LDLRAD4: variants seen among roughly 807,000 people sequenced by gnomAD.
LDLRAD4 encodes low-density lipoprotein receptor class A domain-containing protein 4.
Under a neutral mutation model 17.0 loss-of-function variants are expected in LDLRAD4, and 5 were observed. That is an observed-to-expected ratio of 0.29 (90% CI 0.15 to 0.62). LDLRAD4 has a LOEUF of 0.62. LDLRAD4 is among the 20% of genes least tolerant of loss of function. The pLI, the probability that LDLRAD4 is intolerant of heterozygous loss-of-function variation, is 0.84. For synonymous variants in LDLRAD4, 168 were observed against 171.8 expected (o/e 0.98, Z 0.17); for missense variants, 340 against 424.7 (o/e 0.80, Z 1.75).
chr18:13,393,568 T>C (rs553032139), intron 2 of LDLRAD4, among the ~76,000 whole-genome samples: 28 of 152,312 alleles, frequency 1.8e-4, no homozygotes, highest in African/African-American at 6.7e-4. Context: ...TGAGCAAATA[T>C]TGACGGAGCT....
intron 3 of LDLRAD4, among the ~76,000 whole-genome samples, chr18:13,555,975 C>A (rs368312948): frequency 6.6e-6 from 1 of 152,102 alleles, no homozygotes. Context: ...CTGTGGTAAG[C>A]ATTAGATTTA....
intron 1 of LDLRAD4, among the ~76,000 whole-genome samples, chr18:13,254,906 G>T (rs746593723): frequency 1.3e-5 from 2 of 152,222 alleles, no homozygotes; most frequent in Non-Finnish European, 2.9e-5. Context: ...AGAGGTGGCA[G>T]TGAGCTGAGA....
intron 1 of LDLRAD4, among the ~76,000 whole-genome samples, chr18:13,302,444 TG>T (rs565476401): frequency 9.7e-4 from 148 of 152,330 alleles, no homozygotes; most frequent in Non-Finnish European, 4.7e-4. Context: ...CAAGAAGCAC[TG>T]GCACTACCTG....
At chr18:13,445,245 GTC>G (rs1394248263) in intron 3 of LDLRAD4, among the ~76,000 whole-genome samples, 4 of 152,304 alleles carry the variant, frequency 2.6e-5, no homozygotes, top group African/African-American at 9.6e-5. Context: ...GCAGGTGTGA[GTC>G]TGTGTGTGTA....
intron 1 of LDLRAD4, among the ~76,000 whole-genome samples, chr18:13,261,204 G>C (rs779060632): frequency 1.3e-5 from 2 of 152,234 alleles, no homozygotes; most frequent in Non-Finnish European, 2.9e-5. Context: ...TGGCTCCAGG[G>C]AATAGCAGAA....
chr18:13,463,456 C>G (rs1013032189), intron 3 of LDLRAD4, among the ~76,000 whole-genome samples: 3 of 152,214 alleles, frequency 2.0e-5, no homozygotes, highest in Non-Finnish European at 4.4e-5. Context: ...TAAGTTAACA[C>G]TATAGCTCCA....
chr18:13,629,711 A>T (rs1220194194), intron 4 of LDLRAD4, among the ~76,000 whole-genome samples: 1 of 152,216 alleles, frequency 6.6e-6, no homozygotes, highest in Non-Finnish European at 1.5e-5. Context: ...TAGCATTAAT[A>T]ATCTAATAGT....
intron 4 of LDLRAD4, among the ~76,000 whole-genome samples, chr18:13,643,134 C>G (rs879552606): frequency 1.3e-4 from 19 of 151,996 alleles, no homozygotes; most frequent in Non-Finnish European, 2.2e-4. Flanking sequence ...CGGGGTTTCA[C>G]CATGTTGGCC....
At chr18:13,221,218 T>C (rs71353250) in intron 1 of LDLRAD4, among the ~76,000 whole-genome samples, 4,362 of 152,332 alleles carry the variant, frequency 0.029, 98 homozygotes, top group Non-Finnish European at 0.038. Flanking sequence ...GTTAACAGAA[T>C]GTATAGCGGC....
At chr18:13,358,410 C>T (rs562811044) in intron 1 of LDLRAD4, among the ~76,000 whole-genome samples, 3 of 151,840 alleles carry the variant, frequency 2.0e-5, no homozygotes, top group Non-Finnish European at 4.4e-5. Context: ...TTGATATATC[C>T]AGTTCAAACA....
intron 3 of LDLRAD4, among the ~76,000 whole-genome samples, chr18:13,499,025 TTG>T (rs2093553641): frequency 6.8e-6 from 1 of 147,046 alleles, no homozygotes; most frequent in Admixed American, 6.7e-5. Context: ...AGAATCCTTC[TTG>T]CCACACACGT....
intron 2 of LDLRAD4, among the ~76,000 whole-genome samples, chr18:13,427,780 C>A (rs1240232861): frequency 6.6e-6 from 1 of 152,224 alleles, no homozygotes; most frequent in Non-Finnish European, 1.5e-5. Context: ...TTAACTAATT[C>A]TGCCTTTAAA....
At chr18:13,229,112 C>T (rs910854876) in intron 1 of LDLRAD4, among the ~76,000 whole-genome samples, 36 of 152,232 alleles carry the variant, frequency 2.4e-4, no homozygotes, top group African/African-American at 7.5e-4. Flanking sequence ...TTGGACCCAC[C>T]GAGGAGGCAG....
chr18:13,233,247 C>T (rs559147648), intron 1 of LDLRAD4, among the ~76,000 whole-genome samples: 1 of 152,358 alleles, frequency 6.6e-6, no homozygotes. Context: ...GATACGTTCT[C>T]TGCTACTGGA....
chr18:13,612,645 A>T, intron 3 of LDLRAD4: 1 of 1,611,778 alleles, frequency 6.2e-7, no homozygotes, highest in Non-Finnish European at 8.5e-7. Context: ...AGCTGAAGGG[A>T]TGCTTTGAAC....
intron 2 of LDLRAD4, among the ~76,000 whole-genome samples, chr18:13,431,149 T>C (rs1327648904): frequency 6.6e-6 from 1 of 152,186 alleles, no homozygotes. Flanking sequence ...ATATATAAAA[T>C]CCACAAGAAA....
exon 2 of LDLRAD4, chr18:13,387,679 G>A (rs774530664): frequency 6.9e-6 from 11 of 1,603,672 alleles, no homozygotes; most frequent in South Asian, 3.3e-5. Flanking sequence ...CTTCCTCGAC[G>A]GGACAGCGCA....
intron 4 of LDLRAD4, among the ~76,000 whole-genome samples, chr18:13,629,938 C>G (rs1347070469): frequency 6.6e-6 from 1 of 152,170 alleles, no homozygotes; most frequent in Non-Finnish European, 1.5e-5. Flanking sequence ...TGAGCTCTGA[C>G]TTCTTCTCAC....
intron 1 of LDLRAD4, among the ~76,000 whole-genome samples, chr18:13,333,780 A>C (rs1458785157): frequency 6.6e-6 from 1 of 152,198 alleles, no homozygotes; most frequent in Non-Finnish European, 1.5e-5. Flanking sequence ...ATTTTTCATC[A>C]ATACCACACT....
Sources: gnomAD v4.1 joint callset for allele counts (sites outside exome capture counted in the v4.1 genomes callset) on GRCh38, gnomAD v4.1.1 for gene constraint, MANE v1.5 for transcripts, NCBI Gene and HGNC (gene_info 2026-07-23, HGNC 2026-07-21) for gene names.